The following ATP9B variants were observed in gnomAD, a reference collection of about 807,000 sequenced individuals.
ATP9B encodes ATPase phospholipid transporting 9B.
In ATP9B, 110 loss-of-function variants were observed where a neutral mutation model predicts 146.1. That is an observed-to-expected ratio of 0.75 (90% confidence interval 0.65 to 0.88). The LOEUF (loss-of-function observed/expected upper bound fraction) is 0.88. ATP9B is among the 40% of genes least tolerant of loss of function. The probability of loss-of-function intolerance (pLI) is 0.00; values close to 1 mark genes in which losing one functional copy is unlikely to be tolerated. For missense variants in ATP9B, 1,499 were observed against 1,496.4 expected (o/e 1.00, Z -0.03); for synonymous variants, 604 against 569.7 (o/e 1.06, Z -0.86).
At chr18:79,071,399 C>CTTT (rs56119715) in intron 1 of ATP9B, among the ~76,000 whole-genome samples, 2,753 of 69,256 alleles carry the variant, frequency 0.04, 499 homozygotes, top group African/African-American at 0.11. Context: ...ATTGTTCTTC[C>CTTT]TTTTTTTTTT....
intron 9 of ATP9B, among the ~76,000 whole-genome samples, chr18:79,205,923 C>T (rs1388820844): frequency 1.3e-5 from 2 of 151,650 alleles, no homozygotes; most frequent in South Asian, 2.1e-4. Flanking sequence ...AAGAATATTT[C>T]GTGTAATAAC....
intron 5 of ATP9B, among the ~76,000 whole-genome samples, chr18:79,135,882 G>GT (rs1163814299): frequency 1.3e-5 from 2 of 152,012 alleles, no homozygotes; most frequent in Non-Finnish European, 2.9e-5. Flanking sequence ...TGTCAGTACT[G>GT]TTTTTTGAAA....
At chr18:79,077,805 A>G (rs2072795561) in intron 1 of ATP9B, among the ~76,000 whole-genome samples, 1 of 152,208 alleles carries the variant, frequency 6.6e-6, no homozygotes, top group African/African-American at 2.4e-5. Flanking sequence ...TAACTTTGAA[A>G]TGCCCAATCT....
intron 17 of ATP9B, among the ~76,000 whole-genome samples, chr18:79,330,659 C>A (rs1194764511): frequency 1.3e-5 from 2 of 152,138 alleles, no homozygotes; most frequent in African/African-American, 4.8e-5. Context: ...GTGATCCGCC[C>A]GTGTCGGCCT....
chr18:79,081,734 C>T (rs1290829180), intron 1 of ATP9B, among the ~76,000 whole-genome samples: 2 of 151,230 alleles, frequency 1.3e-5, no homozygotes, highest in Non-Finnish European at 3.0e-5. Flanking sequence ...GAATATTGGA[C>T]CTCACTCTCT....
intron 1 of ATP9B, among the ~76,000 whole-genome samples, chr18:79,070,789 A>G (rs1599273763): frequency 6.6e-6 from 1 of 150,970 alleles, no homozygotes; most frequent in East Asian, 1.9e-4. Flanking sequence ...TTTGCTCTAA[A>G]ATCTTTATTA....
chr18:79,164,171 C>T (rs978531299), intron 7 of ATP9B, among the ~76,000 whole-genome samples: 3 of 152,158 alleles, frequency 2.0e-5, no homozygotes, highest in Admixed American at 6.5e-5. Context: ...GCCATTCTCA[C>T]GTCTTGGTCT....
chr18:79,317,445 T>C (rs2096687248), intron 15 of ATP9B, among the ~76,000 whole-genome samples: 1 of 152,276 alleles, frequency 6.6e-6, no homozygotes, highest in East Asian at 1.9e-4. Flanking sequence ...TTCTCAAAAC[T>C]CAGTAATGAG....
chr18:79,354,031 G>A (rs2096936507), intron 25 of ATP9B: 1 of 152,220 alleles, frequency 6.6e-6, no homozygotes, highest in South Asian at 2.1e-4. Flanking sequence ...TAGACTAAAA[G>A]TACCTTAGAA....
rs398033647 is a variant in ATP9B, at chr18:79,256,286, T to TATATATATATACACACACAC, written c.1268+2746_1268+2747insTATATATATACACACACACA. Among the ~76,000 whole-genome samples, 73 of 123,062 alleles carry TATATATATATACACACACAC rather than the reference T, an allele frequency of 5.9e-4. 2 individuals are homozygous for TATATATATATACACACACAC. Among genetic ancestry groups the TATATATATATACACACACAC allele is most frequent in the Non-Finnish European group, 9.9e-4 (58 of 58,418 alleles). 80.7% of individuals were successfully genotyped at this position (123,062 alleles called of 152,430 possible). A position where few individuals can be genotyped will look rare whatever the true frequency, so the allele number is the denominator to read the frequency against. The stretch of plus-strand genomic sequence containing the variant: ...ATATATATATATATATATATATATA[T>TATATATATATACACACACAC]ACATACATAGTGAGGCTATGTTATT... On this transcript the variant is annotated intron_variant, in intron 12 of 29. Transcript: ENST00000426216.
rs143376465 is a variant in ATP9B, at chr18:79,207,452, C to T, written c.1030+440C>T. 2.4e-3 allele frequency among the ~76,000 whole-genome samples: 367 copies of T among 152,206 alleles called. 2 individuals carry two copies. Among genetic ancestry groups the T allele is most frequent in the South Asian group, 6.4e-3 (31 of 4,810 alleles). On this transcript the variant is annotated intron_variant, in intron 10 of 29. Transcript: ENST00000426216. ...CGGAAAAGTATTAGAAGAGGCCAGGCGTGCTGTGAGAGGTAGACGATGTCA... is the reference window on the plus strand; with the variant it reads ...CGGAAAAGTATTAGAAGAGGCCAGGTGTGCTGTGAGAGGTAGACGATGTCA...
At chr18:79,104,871 G>A (rs1227539372) in intron 2 of ATP9B, among the ~76,000 whole-genome samples, 1 of 152,034 alleles carries the variant, frequency 6.6e-6, no homozygotes, top group Non-Finnish European at 1.5e-5. Context: ...AGCCTCCCAA[G>A]TAGCTGGGAC....
In ATP9B at chr18:79,172,779, A is replaced by G. The variant is rs1002222718; in HGVS notation, c.779-4034A>G. Among the ~76,000 whole-genome samples, 8 of 152,270 alleles carry G rather than the reference A, an allele frequency of 5.3e-5. 1 individual carries two copies. The highest frequency in any genetic ancestry group is 5.2e-4 in the Admixed American group (8 of 15,290). ...TACCACAGCATATTTTAAACCATTC[A>G]TCATTGTTGGTTGAAGTTTTTTGTT... is the stretch of plus-strand genomic sequence containing the variant. On this transcript the variant is annotated intron_variant, in intron 7 of 29. Coordinates refer to ENST00000426216, the MANE Select transcript of ATP9B (RefSeq NM_198531.5).
chr18:79,336,632 G>A lies in ATP9B; in HGVS notation c.2033G>A (p.Gly678Glu). 1 of 1,613,908 alleles carries A rather than the reference G, an allele frequency of 6.2e-7. No homozygotes were observed. The highest frequency in any genetic ancestry group is 8.5e-7 in the Non-Finnish European group (1 of 1,179,962). ...QYNDWLEEEC[G>E]NMAREGLRTL... ...ACTCGGCCTCTCCTTTTCCAGTGCG[G>A]AAACATGGCTCGCGAAGGACTGCGG... Residue 678 changes from glycine to glutamate, a missense_variant, in exon 18 of 30, where the codon GGA becomes GAA. Coordinates refer to ENST00000426216, the MANE Select transcript of ATP9B (RefSeq NM_198531.5).
intron 4 of ATP9B, among the ~76,000 whole-genome samples, chr18:79,125,823 T>G (rs560341407): frequency 6.6e-6 from 1 of 152,332 alleles, no homozygotes; most frequent in East Asian, 1.9e-4. Flanking sequence ...AATCGATGTG[T>G]GATTATCTGG....
In ATP9B at chr18:79,096,666, T is replaced by A; in HGVS notation, c.293+17T>A. 1 of 1,594,932 alleles carries A rather than the reference T, an allele frequency of 6.3e-7. No individual in the cohort carries two copies. Among genetic ancestry groups the A allele is most frequent in the Non-Finnish European group, 8.5e-7 (1 of 1,170,418 alleles). On this transcript the variant is annotated intron_variant, in intron 2 of 29. Transcript: ENST00000426216. ...CTGTACCAGGTTTGTTATCCATTGC[T>A]ACCTAATTTCCTTATATGCTAAGGT...
In ATP9B at chr18:79,232,699, C is replaced by T. The variant is rs369422256; in HGVS notation, c.1107+18661C>T. Among the ~76,000 whole-genome samples the T allele has an allele frequency of 2.4e-3, 366 of 152,298 alleles. 2 individuals carry two copies. Among genetic ancestry groups the T allele is most frequent in the South Asian group, 6.4e-3 (31 of 4,830 alleles). On this transcript the variant is annotated intron_variant, in intron 11 of 29. Coordinates refer to ENST00000426216, the MANE Select transcript of ATP9B (RefSeq NM_198531.5). ...TGACCAGATAGGGAATCTAAAAGAA[C>T]TGTGATGCACATGTTAAGGGCTGGA...
intron 12 of ATP9B, chr18:79,255,155 C>A (rs1049053189): frequency 2.0e-5 from 3 of 152,156 alleles, no homozygotes; most frequent in Non-Finnish European, 2.9e-5. Flanking sequence ...CAGATTGTCA[C>A]AGTTCTTGTG....
Position 79,302,848 on chromosome 18 carries a change from T to C in ATP9B, c.1412-756T>C, listed in dbSNP as rs556785736. Among the ~76,000 whole-genome samples, 4 of 152,362 alleles carry C rather than the reference T, an allele frequency of 2.6e-5. No individual in the cohort carries two copies. In the East Asian group the frequency reaches 7.7e-4, roughly 29 times the overall value. On this transcript the variant is annotated intron_variant, in intron 13 of 29. Coordinates refer to ENST00000426216, the MANE Select transcript of ATP9B (RefSeq NM_198531.5). ...TTTCTGTTCAGCTAAAAAGACTTAA[T>C]TTTTTGAAATAGGTTTTTTTAAAAA... is the stretch of plus-strand genomic sequence containing the variant.
Sources: gnomAD v4.1 joint callset for allele counts (sites outside exome capture counted in the v4.1 genomes callset) on GRCh38, gnomAD v4.1.1 for gene constraint, MANE v1.5 for transcripts, NCBI Gene and HGNC (gene_info 2026-07-23, HGNC 2026-07-21) for gene names.